The following ACTR3C variants were observed in gnomAD, a reference collection of about 807,000 sequenced individuals.
The protein encoded by ACTR3C is actin related protein 3C, also known as actin-related protein 3C.
A neutral mutation model predicts 26.3 loss-of-function variants in ACTR3C; 18 were observed. The ratio of observed to expected loss-of-function variants is 0.68; its 90% CI spans 0.47 to 1.01. The LOEUF (loss-of-function observed/expected upper bound fraction) is 1.01. Among genes scored for constraint, ACTR3C ranks in the 50% least tolerant of loss-of-function variants. ACTR3C has a pLI of 0.00. For missense variants in ACTR3C, 184 were observed against 250.7 expected (o/e 0.73, Z 1.80); for synonymous variants, 55 against 94.5 (o/e 0.58, Z 2.42).
chr7:150,322,638 C>T (rs1797655144), intron 1 of ACTR3C: 1 of 152,234 alleles, frequency 6.6e-6, no homozygotes, highest in African/African-American at 2.4e-5. Context: ...AGCATATAAT[C>T]AAGAAATAAC....
chr7:149,954,027 T>C, the ACTR3C span, among the ~76,000 whole-genome samples: 1 of 141,288 alleles, frequency 7.1e-6, no homozygotes, highest in South Asian at 2.5e-4. Flanking sequence ...AGATCCTTTT[T>C]AGAGACAACT....
At chr7:150,310,200 C>G (rs564762125) in intron 1 of ACTR3C, among the ~76,000 whole-genome samples, 1 of 152,126 alleles carries the variant, frequency 6.6e-6, no homozygotes, top group Non-Finnish European at 1.5e-5. Flanking sequence ...CAATTCAAGG[C>G]CTCTTTCACA....
chr7:150,259,078 C>T (rs1419424517), intron 6 of ACTR3C, among the ~76,000 whole-genome samples: 1 of 151,670 alleles, frequency 6.6e-6, no homozygotes, highest in Non-Finnish European at 1.5e-5. Flanking sequence ...CATATTAATT[C>T]TCTCACCCTC....
At chr7:150,300,526 C>G (rs1795375243) in intron 1 of ACTR3C, among the ~76,000 whole-genome samples, 1 of 151,904 alleles carries the variant, frequency 6.6e-6, no homozygotes, top group African/African-American at 2.4e-5. Flanking sequence ...CTTCCAGCAC[C>G]TTTTCAGTTC....
the ACTR3C span, among the ~76,000 whole-genome samples, chr7:149,946,822 T>G: frequency 6.6e-6 from 1 of 152,186 alleles, no homozygotes; most frequent in African/African-American, 2.4e-5. Context: ...CTGTGATCCC[T>G]TCTCTGGACA....
chr7:150,134,875 GA>G, the ACTR3C span, among the ~76,000 whole-genome samples: 32 of 152,186 alleles, frequency 2.1e-4, no homozygotes, highest in Non-Finnish European at 2.2e-4. Flanking sequence ...TGTGTCATCA[GA>G]AAAATTAAAT....
At chr7:150,145,117 A>C in the ACTR3C span, among the ~76,000 whole-genome samples, 35 of 144,430 alleles carry the variant, frequency 2.4e-4, no homozygotes, top group African/African-American at 9.5e-4. Context: ...CTAGAGAAAT[A>C]ACTGAGTGGA....
At chr7:150,321,224 C>G (rs1335441994) in intron 1 of ACTR3C, among the ~76,000 whole-genome samples, 1 of 152,186 alleles carries the variant, frequency 6.6e-6, no homozygotes. Flanking sequence ...CTCCACCTGT[C>G]CTTGTATTTG....
chr7:150,226,154 A>G, the ACTR3C span, among the ~76,000 whole-genome samples: 5 of 152,256 alleles, frequency 3.3e-5, no homozygotes, highest in Non-Finnish European at 5.9e-5. Flanking sequence ...CCTTCTGTAA[A>G]CTTTTGCATG....
chr7:150,024,390 C>G, the ACTR3C span, among the ~76,000 whole-genome samples: 3 of 151,738 alleles, frequency 2.0e-5, no homozygotes, highest in Non-Finnish European at 4.4e-5. Flanking sequence ...GCAGGGACTG[C>G]GTGAGCGTGT....
chr7:149,907,478 T>TTCTCTTTTCTC, the ACTR3C span, among the ~76,000 whole-genome samples: 1 of 97,606 alleles, frequency 1.0e-5, no homozygotes, highest in African/African-American at 3.6e-5. Flanking sequence ...CTCTCTTCTC[T>TTCTCTTTTCTC]TCTCTCTCTC....
At chr7:149,992,155 A>G in the ACTR3C span, among the ~76,000 whole-genome samples, 2 of 152,376 alleles carry the variant, frequency 1.3e-5, no homozygotes, top group East Asian at 1.9e-4. Flanking sequence ...TAAGAGCTGC[A>G]ATGTGTACAG....
intron 6 of ACTR3C, among the ~76,000 whole-genome samples, chr7:150,263,797 T>C (rs971546519): frequency 6.6e-6 from 1 of 152,276 alleles, no homozygotes; most frequent in Non-Finnish European, 1.5e-5. Flanking sequence ...CTCAATCATT[T>C]GAATGTTTTA....
chr7:149,958,758 A>G, the ACTR3C span, among the ~76,000 whole-genome samples: 1 of 152,148 alleles, frequency 6.6e-6, no homozygotes, highest in Admixed American at 6.5e-5. Context: ...AAGTCCACAT[A>G]TTTTCTGTTC....
At chr7:150,169,533 G>C in the ACTR3C span, among the ~76,000 whole-genome samples, 3 of 150,418 alleles carry the variant, frequency 2.0e-5, no homozygotes, top group African/African-American at 5.0e-5. Flanking sequence ...CTTGATCTTG[G>C]GTTTTCCAGC....
At chr7:150,199,763 C>A in the ACTR3C span, among the ~76,000 whole-genome samples, 1 of 128,134 alleles carries the variant, frequency 7.8e-6, no homozygotes, top group Non-Finnish European at 1.6e-5. Flanking sequence ...TACTGGAGGT[C>A]CTGACCAAGA....
chr7:150,307,257 G>A (rs147225338), intron 1 of ACTR3C, among the ~76,000 whole-genome samples: 37 of 152,320 alleles, frequency 2.4e-4, no homozygotes, highest in African/African-American at 5.3e-4. Context: ...CCTCTGAGCC[G>A]AAGCTCACCC....
the ACTR3C span, among the ~76,000 whole-genome samples, chr7:150,199,307 CCCAA>C: frequency 7.9e-6 from 1 of 125,834 alleles, no homozygotes; most frequent in South Asian, 2.6e-4. Flanking sequence ...TGACCTTACC[CCCAA>C]CCCTGTGCTC....
chr7:150,137,619 G>A, the ACTR3C span, among the ~76,000 whole-genome samples: 10 of 152,144 alleles, frequency 6.6e-5, no homozygotes, highest in East Asian at 1.9e-4. Context: ...GGTTGTCTTC[G>A]CTCAGGGGTC....
Sources: allele counts gnomAD v4.1 joint callset (sites outside exome capture counted in the v4.1 genomes callset), GRCh38; gene constraint gnomAD v4.1.1; transcripts MANE v1.5; gene names NCBI Gene and HGNC (gene_info 2026-07-23, HGNC 2026-07-21).